MPP7: variants seen among roughly 807,000 people sequenced by gnomAD.
The protein encoded by MPP7 is MAGUK p55 scaffold protein 7, also known as MAGUK p55 subfamily member 7.
Under a neutral mutation model 76.5 loss-of-function variants are expected in MPP7, and 60 were observed. The observed-to-expected ratio is 0.78, with a 90% CI of 0.64 to 0.97. The LOEUF (loss-of-function observed/expected upper bound fraction) is 0.97. Ranked by LOEUF, MPP7 falls within the 50% of genes least tolerant of loss-of-function variation. The pLI, the probability that MPP7 is intolerant of heterozygous loss-of-function variation, is 0.00. For missense variants in MPP7, 641 were observed against 694.0 expected (o/e 0.92, Z 0.86); for synonymous variants, 237 against 244.5 (o/e 0.97, Z 0.29).
chr10:28,245,020 T>A (rs891070772), intron 1 of MPP7, among the ~76,000 whole-genome samples: 5 of 152,174 alleles, frequency 3.3e-5, no homozygotes, highest in Non-Finnish European at 7.3e-5. Flanking sequence ...TCCTCCACAC[T>A]TCTCCTCTGG....
chr10:28,260,848 GCT>G (rs1172995630), intron 1 of MPP7, among the ~76,000 whole-genome samples: 1 of 151,532 alleles, frequency 6.6e-6, no homozygotes, highest in Non-Finnish European at 1.5e-5. Context: ...AAGTGAAAAG[GCT>G]CTGTTTTCTA....
chr10:28,327,023 A>G (rs190688213), intron 2 of MPP7, among the ~76,000 whole-genome samples: 1 of 152,170 alleles, frequency 6.6e-6, no homozygotes, highest in Non-Finnish European at 1.5e-5. Flanking sequence ...GAGAGTCTGG[A>G]TACATTCCTC....
chr10:28,125,200 C>T (rs538159628), intron 6 of MPP7, 109 bp from the exon 7 acceptor site: 40 of 902,266 alleles, frequency 4.4e-5, no homozygotes, highest in South Asian at 2.7e-4. Flanking sequence ...ACTACAAAAA[C>T]GAAAAAAAAG....
At chr10:28,289,665 A>G (rs1339198740) in intron 1 of MPP7, among the ~76,000 whole-genome samples, 1 of 152,142 alleles carries the variant, frequency 6.6e-6, no homozygotes, top group Admixed American at 6.5e-5. Flanking sequence ...GTTCTGAGCA[A>G]ATGAGTGACA....
chr10:28,095,878 C>T (rs1366346397), intron 11 of MPP7, among the ~76,000 whole-genome samples: 2 of 152,114 alleles, frequency 1.3e-5, no homozygotes, highest in East Asian at 1.9e-4. Flanking sequence ...TATGGACAGG[C>T]TTTTTCCAGG....
chr10:28,058,517 C>T lies in MPP7; in HGVS notation c.1385G>A (p.Cys462Tyr). The T allele has an allele frequency of 6.2e-7, 1 of 1,600,598 alleles. No individual in the cohort carries two copies. The highest frequency in any genetic ancestry group is 8.5e-7 in the Non-Finnish European group (1 of 1,172,986). ...VRSVLAKNKV[C>Y]LLDVQPHTVK... The stretch of plus-strand genomic sequence containing the variant: ...TACATGAGGCTGAACATCCAACAAA[C>T]AAACTTTGTTTTTAGCAAGGACAGA... Residue 462 changes from cysteine to tyrosine, a missense_variant, in exon 15 of 17, where the codon TGT becomes TAT. Cys to Tyr is a radical substitution (Grantham distance 194). Transcript: ENST00000683449.
chr10:28,225,066 C>A (rs907156207), intron 2 of MPP7, among the ~76,000 whole-genome samples: 4 of 152,058 alleles, frequency 2.6e-5, no homozygotes, highest in Non-Finnish European at 5.9e-5. Flanking sequence ...AACTGGTAGT[C>A]ACTAAATGCA....
chr10:28,165,840 C>A (rs909126612), intron 3 of MPP7, among the ~76,000 whole-genome samples: 2 of 152,012 alleles, frequency 1.3e-5, no homozygotes, highest in African/African-American at 4.8e-5. Context: ...GCCTGGCCAA[C>A]ATGGTGAAAC....
chr10:28,127,879 G>A lies in MPP7; in HGVS notation c.448-2788C>T, dbSNP rs74127202. ...CTCACTGAGAAGATGATGTCTGAGTGAATAAAGACTGGACGGAGGTGAAGA... is the reference window on the plus strand; with the variant it reads ...CTCACTGAGAAGATGATGTCTGAGTAAATAAAGACTGGACGGAGGTGAAGA... On this transcript the variant is annotated intron_variant, in intron 6 of 16. Transcript: ENST00000683449. Among the ~76,000 whole-genome samples, 977 of 152,316 alleles carry A rather than the reference G, an allele frequency of 6.4e-3. 8 individuals are homozygous for A. Among genetic ancestry groups the A allele is most frequent in the African/African-American group, 0.022 (924 of 41,556 alleles).
intron 2 of MPP7, among the ~76,000 whole-genome samples, chr10:28,312,042 C>A (rs1338541404): frequency 6.6e-6 from 1 of 152,050 alleles, no homozygotes; most frequent in Non-Finnish European, 1.5e-5. Flanking sequence ...TGGAGATGGT[C>A]CTTATTAACA....
intron 5 of MPP7, among the ~76,000 whole-genome samples, chr10:28,146,482 A>G (rs1333745193): frequency 6.6e-6 from 1 of 150,994 alleles, no homozygotes; most frequent in Non-Finnish European, 1.5e-5. Context: ...GCTCACTGCA[A>G]GCTCCGCCTC....
chr10:28,156,477 A>G (rs1338488110), intron 3 of MPP7, among the ~76,000 whole-genome samples: 1 of 152,240 alleles, frequency 6.6e-6, no homozygotes, highest in Non-Finnish European at 1.5e-5. Context: ...ATTCAAGAAG[A>G]GAATTTCTGA....
At chr10:28,333,577 G>C (rs758433122) in intron 1 of MPP7, among the ~76,000 whole-genome samples, 4 of 152,098 alleles carry the variant, frequency 2.6e-5, no homozygotes, top group Admixed American at 6.6e-5. Context: ...GTTATGCAAC[G>C]TTGTACATTT....
intron 2 of MPP7, among the ~76,000 whole-genome samples, chr10:28,205,333 T>C (rs758060623): frequency 6.6e-6 from 1 of 152,212 alleles, no homozygotes; most frequent in Non-Finnish European, 1.5e-5. Context: ...ACATGTTTTT[T>C]AAAATACTCC....
At chr10:28,329,767 C>T (rs1386021249) in intron 2 of MPP7, among the ~76,000 whole-genome samples, 1 of 151,898 alleles carries the variant, frequency 6.6e-6, no homozygotes, top group African/African-American at 2.4e-5. Context: ...AATGTAGAAT[C>T]TGAAATGAGG....
intron 12 of MPP7, among the ~76,000 whole-genome samples, chr10:28,078,930 A>G (rs537827404): frequency 6.6e-6 from 1 of 152,342 alleles, no homozygotes; most frequent in South Asian, 2.1e-4. Context: ...ATTTAAGAAA[A>G]CAGTCACTGT....
At chr10:28,217,175 G>T (rs1838336837) in intron 2 of MPP7, among the ~76,000 whole-genome samples, 1 of 152,060 alleles carries the variant, frequency 6.6e-6, no homozygotes, top group Non-Finnish European at 1.5e-5. Flanking sequence ...AAAGCTGACA[G>T]AATTTGCAAC....
chr10:28,285,674 T>C (rs1016368024), intron 1 of MPP7, among the ~76,000 whole-genome samples: 13 of 152,078 alleles, frequency 8.5e-5, no homozygotes, highest in African/African-American at 2.9e-4. Flanking sequence ...AGACAACCAA[T>C]ATTACCTGAC....
At chr10:28,106,757 C>T (rs559523453) in intron 11 of MPP7, among the ~76,000 whole-genome samples, 3 of 152,186 alleles carry the variant, frequency 2.0e-5, no homozygotes, top group Non-Finnish European at 4.4e-5. Flanking sequence ...AACTCTGTCA[C>T]TCCTTGACAC....
Sources: gnomAD v4.1 joint callset for allele counts (sites outside exome capture counted in the v4.1 genomes callset) on GRCh38, gnomAD v4.1.1 for gene constraint, MANE v1.5 for transcripts, NCBI Gene and HGNC (gene_info 2026-07-23, HGNC 2026-07-21) for gene names.